The following CDH4 variants were observed in gnomAD, a reference collection of about 807,000 sequenced individuals.
CDH4 encodes the protein cadherin 4.
In CDH4, 33 loss-of-function variants were observed where a neutral mutation model predicts 86.0. The ratio of observed to expected loss-of-function variants is 0.38; its 90% confidence interval spans 0.29 to 0.51. CDH4 has a LOEUF of 0.51. Among genes scored for constraint, CDH4 ranks in the 20% least tolerant of loss-of-function variants. CDH4 has a pLI of 0.86. For missense variants in CDH4, 1,114 were observed against 1,307.4 expected, an observed-to-expected ratio of 0.85 and a Z score of 2.28; for synonymous variants, 555 against 549.4, an observed-to-expected ratio of 1.01 and a Z score of -0.14.
chr20:61,565,292 GTGGTGGCGGTGCTCT>G (rs1568688868), intron 2 of CDH4, among the ~76,000 whole-genome samples: 24 of 63,466 alleles, frequency 3.8e-4, no homozygotes, highest in Non-Finnish European at 5.6e-4. Context: ...TGGGGTGATG[GTGGTGGCGGTGCTCT>G]TGGTGGTGGC....
At chr20:61,830,538 G>A (rs367565897) in intron 4 of CDH4, among the ~76,000 whole-genome samples, 3 of 152,196 alleles carry the variant, frequency 2.0e-5, no homozygotes, top group African/African-American at 7.2e-5. Context: ...GTGAGGTGGG[G>A]CTGGGCTGAC....
intron 2 of CDH4, among the ~76,000 whole-genome samples, chr20:61,661,370 C>G (rs2145832442): frequency 6.6e-6 from 1 of 152,186 alleles, no homozygotes; most frequent in South Asian, 2.1e-4. Flanking sequence ...CATCATTCTG[C>G]CTCAACAACA....
At chr20:61,375,521 G>C (rs1244165147) in intron 2 of CDH4, among the ~76,000 whole-genome samples, 5 of 150,598 alleles carry the variant, frequency 3.3e-5, no homozygotes, top group African/African-American at 1.2e-4. Flanking sequence ...ATGATGGTGT[G>C]GTTTGTTGAT....
chr20:61,687,853 G>A (rs11697079), intron 2 of CDH4, among the ~76,000 whole-genome samples: 9 of 152,152 alleles, frequency 5.9e-5, no homozygotes, highest in Non-Finnish European at 1.2e-4. Flanking sequence ...AAAGGACTTA[G>A]CCTACCTTAG....
At chr20:61,538,482 A>T (rs2086014827) in intron 2 of CDH4, among the ~76,000 whole-genome samples, 1 of 152,074 alleles carries the variant, frequency 6.6e-6, no homozygotes, top group African/African-American at 2.4e-5. Flanking sequence ...TCCTGACCTC[A>T]TCCTTCCCTC....
At chr20:61,760,580 C>A (rs1301229987) in intron 3 of CDH4, among the ~76,000 whole-genome samples, 1 of 151,800 alleles carries the variant, frequency 6.6e-6, no homozygotes, top group African/African-American at 2.4e-5. Flanking sequence ...GGCTTCCCGC[C>A]CCTACTCCAT....
At chr20:61,622,689 G>A (rs2086788095) in intron 2 of CDH4, among the ~76,000 whole-genome samples, 1 of 152,260 alleles carries the variant, frequency 6.6e-6, no homozygotes, top group South Asian at 2.1e-4. Context: ...CAGCACTTGG[G>A]ATTGGATAAC....
At chr20:61,868,189 G>A (rs78610443) in intron 6 of CDH4, among the ~76,000 whole-genome samples, 299 of 152,330 alleles carry the variant, frequency 2.0e-3, no homozygotes, top group African/African-American at 3.7e-3. Flanking sequence ...CTCATCCCAC[G>A]GTGGGGGTGC....
intron 2 of CDH4, among the ~76,000 whole-genome samples, chr20:61,523,994 C>T (rs1293833438): frequency 2.0e-5 from 3 of 152,130 alleles, no homozygotes; most frequent in African/African-American, 7.2e-5. Context: ...CTATATCTAC[C>T]CATTAAAAGA....
At chr20:61,562,326 G>C (rs1198817162) in intron 2 of CDH4, among the ~76,000 whole-genome samples, 1 of 127,312 alleles carries the variant, frequency 7.9e-6, no homozygotes, top group African/African-American at 3.2e-5. Flanking sequence ...GTGTGGAGAG[G>C]TGGACCCCAG....
At chr20:61,863,471 C>A (rs1311237619) in intron 6 of CDH4, among the ~76,000 whole-genome samples, 3 of 152,240 alleles carry the variant, frequency 2.0e-5, no homozygotes, top group Non-Finnish European at 4.4e-5. Flanking sequence ...GCGCAGATGC[C>A]ACTGGGTGAC....
chr20:61,571,451 C>T (rs2086341035), intron 2 of CDH4, among the ~76,000 whole-genome samples: 1 of 152,162 alleles, frequency 6.6e-6, no homozygotes, highest in Non-Finnish European at 1.5e-5. Flanking sequence ...CAGGGAGTGA[C>T]TGCAGGACCC....
intron 2 of CDH4, among the ~76,000 whole-genome samples, chr20:61,601,582 A>G (rs933027959): frequency 2.6e-5 from 4 of 152,006 alleles, no homozygotes; most frequent in Non-Finnish European, 5.9e-5. Context: ...GCTGCCCACC[A>G]TGCACCCTCT....
At chr20:61,786,022 T>C (rs895502764) in intron 4 of CDH4, among the ~76,000 whole-genome samples, 2 of 151,976 alleles carry the variant, frequency 1.3e-5, no homozygotes, top group African/African-American at 4.8e-5. Context: ...ACTGTGGAAA[T>C]CTCCCCTCTG....
chr20:61,481,458 C>T (rs1407517245), intron 2 of CDH4, among the ~76,000 whole-genome samples: 1 of 152,234 alleles, frequency 6.6e-6, no homozygotes, highest in Non-Finnish European at 1.5e-5. Context: ...GCTGTTACAG[C>T]CCAGGCTTTA....
chr20:61,688,660 T>C (rs2087616886), intron 2 of CDH4, among the ~76,000 whole-genome samples: 1 of 152,246 alleles, frequency 6.6e-6, no homozygotes, highest in African/African-American at 2.4e-5. Flanking sequence ...GGGCCCACGC[T>C]ATAACCATGT....
intron 2 of CDH4, among the ~76,000 whole-genome samples, chr20:61,528,072 CTT>C (rs762424037): frequency 1.6e-4 from 24 of 151,998 alleles, no homozygotes; most frequent in South Asian, 4.2e-4. Context: ...AAACAGGTAA[CTT>C]TAAAAAAGAA....
intron 13 of CDH4, among the ~76,000 whole-genome samples, chr20:61,931,421 C>T (rs1006541589): frequency 2.0e-5 from 3 of 152,250 alleles, no homozygotes; most frequent in African/African-American, 7.2e-5. Flanking sequence ...TCCCAAGCCT[C>T]CACTCCGCTT....
chr20:61,802,552 A>G (rs1183232989), intron 4 of CDH4, among the ~76,000 whole-genome samples: 2 of 150,908 alleles, frequency 1.3e-5, no homozygotes, highest in Non-Finnish European at 2.9e-5. Context: ...TACTTGGGGA[A>G]AAAAAAAACA....
Sources: gnomAD v4.1 joint callset for allele counts (sites outside exome capture counted in the v4.1 genomes callset) on GRCh38, gnomAD v4.1.1 for gene constraint, MANE v1.5 for transcripts, NCBI Gene and HGNC (gene_info 2026-07-23, HGNC 2026-07-21) for gene names.